Variants in NPIPA5 observed in about 807,000 individuals in gnomAD.
NPIPA5 encodes the protein nuclear pore complex-interacting protein family member A5.
In NPIPA5, 6 loss-of-function variants were observed where a neutral mutation model predicts 21.4. That is an observed-to-expected ratio of 0.28 (90% confidence interval 0.15 to 0.55). The LOEUF is 0.55. Ranked by LOEUF, NPIPA5 falls within the 20% of genes least tolerant of loss-of-function variation. NPIPA5 has a pLI of 0.93. For synonymous variants in NPIPA5, 33 were observed against 115.3 expected, an observed-to-expected ratio of 0.29 and a Z score of 4.57; for missense variants, 99 against 318.2, an observed-to-expected ratio of 0.31 and a Z score of 5.24.
chr16:15,379,143 C>A (rs1029677298), upstream of NPIPA5, among the ~76,000 whole-genome samples: 131 of 152,224 alleles, frequency 8.6e-4, 1 homozygote, highest in African/African-American at 3.0e-3. Flanking sequence ...CTGAAAAGCA[C>A]TGCTTTAAAT....
chr16:15,373,361 G>T (rs1370372951), intron 2 of NPIPA5, among the ~76,000 whole-genome samples: 40 of 132,234 alleles, frequency 3.0e-4, no homozygotes, highest in African/African-American at 1.0e-3. Flanking sequence ...TCAGAGAGGA[G>T]ATTGGAAGCT....
intron 1 of NPIPA5, among the ~76,000 whole-genome samples, chr16:15,376,812 G>A (rs1367201905): frequency 3.3e-5 from 5 of 151,524 alleles, no homozygotes; most frequent in Non-Finnish European, 5.9e-5. Flanking sequence ...TTAGCCAGGC[G>A]TGGTGGTCTA....
At chr16:15,381,181 A>G, upstream of NPIPA5, 1 of 589,706 alleles carries the variant, frequency 1.7e-6, no homozygotes, top group Non-Finnish European at 3.0e-6. Flanking sequence ...AAAGGACAGA[A>G]CCAAGTTCAA....
intron 4 of NPIPA5, among the ~76,000 whole-genome samples, chr16:15,368,308 G>T (rs2050034476): frequency 6.6e-6 from 1 of 151,436 alleles, no homozygotes; most frequent in African/African-American, 2.4e-5. Context: ...AAATACCCTG[G>T]CCTTTGTAGG....
intron 1 of NPIPA5, among the ~76,000 whole-genome samples, chr16:15,374,470 A>G (rs2050237936): frequency 1.3e-5 from 2 of 151,648 alleles, no homozygotes; most frequent in South Asian, 4.2e-4. Context: ...TGCTGGGATT[A>G]CAGGTGTGAG....
chr16:15,367,074 A>G (rs1475994158), intron 4 of NPIPA5, among the ~76,000 whole-genome samples: 1 of 152,148 alleles, frequency 6.6e-6, no homozygotes, highest in Non-Finnish European at 1.5e-5. Flanking sequence ...CTCTGGGGTC[A>G]GTCTTGTGCT....
chr16:15,365,974 C>A (rs2049970813), intron 5 of NPIPA5, among the ~76,000 whole-genome samples: 1 of 58,532 alleles, frequency 1.7e-5, no homozygotes, highest in Non-Finnish European at 4.1e-5. Flanking sequence ...GAGGCTGAGG[C>A]AGGGGAATCA....
At chr16:15,375,465 C>T (rs1173664818) in intron 1 of NPIPA5, among the ~76,000 whole-genome samples, 10 of 150,982 alleles carry the variant, frequency 6.6e-5, no homozygotes, top group Non-Finnish European at 1.0e-4. Flanking sequence ...CAAGGTGGGC[C>T]GGGCGTGGTG....
chr16:15,371,265 T>C (rs2050149394), intron 2 of NPIPA5, among the ~76,000 whole-genome samples: 1 of 142,324 alleles, frequency 7.0e-6, no homozygotes, highest in Non-Finnish European at 1.5e-5. Flanking sequence ...GCATCTTTCT[T>C]CTGTCCCTGC....
intron 4 of NPIPA5, among the ~76,000 whole-genome samples, chr16:15,369,271 C>A (rs1280304191): frequency 6.8e-6 from 1 of 148,080 alleles, no homozygotes; most frequent in African/African-American, 2.5e-5. Flanking sequence ...GTCTGGACAA[C>A]ATGGTGAAAC....
intron 1 of NPIPA5, among the ~76,000 whole-genome samples, chr16:15,375,989 T>C (rs939801422): frequency 6.6e-6 from 1 of 150,832 alleles, no homozygotes; most frequent in Non-Finnish European, 1.5e-5. Flanking sequence ...TAAACAGAGA[T>C]AGCCCTTCAA....
upstream of NPIPA5, among the ~76,000 whole-genome samples, chr16:15,379,461 G>T (rs2050384326): frequency 6.6e-6 from 1 of 151,790 alleles, no homozygotes; most frequent in Admixed American, 6.6e-5. Context: ...CACCTACTTG[G>T]GAGGCTGAGG....
intron 2 of NPIPA5, among the ~76,000 whole-genome samples, chr16:15,370,564 C>T (rs924629742): frequency 2.1e-5 from 3 of 144,624 alleles, no homozygotes; most frequent in Non-Finnish European, 3.0e-5. Flanking sequence ...CCAGCCTCAC[C>T]AACATGGAGA....
At chr16:15,380,303 T>C (rs1336090141), upstream of NPIPA5, among the ~76,000 whole-genome samples, 1 of 151,782 alleles carries the variant, frequency 6.6e-6, no homozygotes, top group Non-Finnish European at 1.5e-5. Flanking sequence ...TGATTTGAAT[T>C]TCCTTTTCAA....
At chr16:15,380,199 GTTAA>G (rs1409878553), upstream of NPIPA5, among the ~76,000 whole-genome samples, 1 of 151,830 alleles carries the variant, frequency 6.6e-6, no homozygotes, top group Non-Finnish European at 1.5e-5. Flanking sequence ...ATGTGATGTG[GTTAA>G]TTCTTTTATT....
intron 1 of NPIPA5, among the ~76,000 whole-genome samples, chr16:15,375,416 T>C (rs1247869303): frequency 1.4e-5 from 2 of 146,116 alleles, no homozygotes; most frequent in African/African-American, 5.0e-5. Flanking sequence ...GATTATTTCA[T>C]TCACAAATAA....
upstream of NPIPA5, chr16:15,381,057 G>A (rs761373040): frequency 6.5e-7 from 1 of 1,529,788 alleles, no homozygotes; most frequent in East Asian, 2.4e-5. Flanking sequence ...TTTGCAGAAT[G>A]AGAACAGGGG....
intron 1 of NPIPA5, among the ~76,000 whole-genome samples, chr16:15,376,899 C>T (rs1331807910): frequency 6.6e-6 from 1 of 152,070 alleles, no homozygotes; most frequent in African/African-American, 2.4e-5. Flanking sequence ...GCTTGAACCC[C>T]GGAAGCGGAG....
intron 4 of NPIPA5, among the ~76,000 whole-genome samples, chr16:15,369,021 G>A (rs1303847054): frequency 6.9e-6 from 1 of 144,288 alleles, no homozygotes; most frequent in African/African-American, 2.5e-5. Context: ...CGAATGTGGT[G>A]GCACACACCT....
Sources: gnomAD v4.1 joint callset for allele counts (sites outside exome capture counted in the v4.1 genomes callset) on GRCh38, gnomAD v4.1.1 for gene constraint, MANE v1.5 for transcripts, NCBI Gene and HGNC (gene_info 2026-07-23, HGNC 2026-07-21) for gene names.